The following ACSL1 variants were observed in gnomAD, a reference collection of about 807,000 sequenced individuals.
ACSL1 encodes long-chain-fatty-acid--CoA ligase 1.
Under a neutral mutation model 98.4 loss-of-function variants are expected in ACSL1, and 41 were observed. The observed-to-expected ratio is 0.42, with a 90% confidence interval of 0.32 to 0.54. The LOEUF (loss-of-function observed/expected upper bound fraction) is 0.54. Among genes scored for constraint, ACSL1 ranks in the 20% least tolerant of loss-of-function variants. ACSL1 has a pLI of 0.13. For synonymous variants in ACSL1, 316 were observed against 322.7 expected, an observed-to-expected ratio of 0.98 and a Z score of 0.22; for missense variants, 734 against 883.1, an observed-to-expected ratio of 0.83 and a Z score of 2.14.
Position 184,788,605 on chromosome 4 carries a change from G to A in ACSL1, c.310+12C>T. The A allele has an allele frequency of 6.2e-7, 1 of 1,608,084 alleles. No individual in the cohort carries two copies. Among genetic ancestry groups the A allele is most frequent in the Non-Finnish European group, 8.5e-7 (1 of 1,174,742 alleles). ...GCGAGCGGGAGCCACGCAAATGCAG[G>A]AAAATGCTTACTTGACACCTGTATT... On this transcript the variant is annotated intron_variant, in intron 3 of 20. Transcript: ENST00000281455.
chr4:184,820,751 C>T (rs1413449207), intron 1 of ACSL1, among the ~76,000 whole-genome samples: 1 of 152,148 alleles, frequency 6.6e-6, no homozygotes, highest in Non-Finnish European at 1.5e-5. Context: ...ACTACAGGCA[C>T]GTACCACCAC....
intron 1 of ACSL1, among the ~76,000 whole-genome samples, chr4:184,809,104 T>C (rs753801909): frequency 3.9e-5 from 6 of 152,386 alleles, no homozygotes; most frequent in South Asian, 2.1e-4. Flanking sequence ...AGATCACCAA[T>C]TGAATTTCCT....
intron 1 of ACSL1, chr4:184,813,471 G>A (rs1023871964): frequency 1.9e-5 from 3 of 157,154 alleles, no homozygotes; most frequent in Non-Finnish European, 2.8e-5. Context: ...GAGCAAGACA[G>A]AAAAGGCTTG....
At chr4:184,811,444 C>G (rs1385462190) in intron 1 of ACSL1, among the ~76,000 whole-genome samples, 1 of 151,930 alleles carries the variant, frequency 6.6e-6, no homozygotes, top group African/African-American at 2.4e-5. Context: ...GATTCAAACC[C>G]AGATTTCCAA....
intron 5 of ACSL1, among the ~76,000 whole-genome samples, chr4:184,777,441 G>A (rs1038276800): frequency 1.4e-5 from 2 of 143,448 alleles, no homozygotes; most frequent in African/African-American, 5.0e-5. Context: ...CTGGGTGACA[G>A]AGTGAGATCC....
rs754831832 is a variant in ACSL1 at position 184,766,009 on chromosome 4, G to A, written c.1264-23C>T. ...CGACTTTCAGGGAGGGAGAGTGGGA[G>A]AAGGTGAGGGTTACACACCTGGAAG... is the stretch of plus-strand genomic sequence containing the variant. On this transcript the variant is annotated intron_variant, in intron 13 of 20. Transcript: ENST00000281455. The surrounding 1 kb of genome is among the most constrained non-coding windows in gnomAD (Gnocchi z 4.8). 6.2e-7 allele frequency: 1 copy of A among 1,611,868 alleles called. No homozygotes were observed. The highest frequency in any genetic ancestry group is 8.5e-7 in the Non-Finnish European group (1 of 1,178,668).
intron 2 of ACSL1, among the ~76,000 whole-genome samples, chr4:184,797,948 T>C (rs1037840765): frequency 3.9e-5 from 6 of 152,234 alleles, no homozygotes; most frequent in African/African-American, 7.2e-5. Context: ...TTATGAAGCA[T>C]AGGATTAAAA....
In ACSL1 at chr4:184,808,394, T is replaced by C. The variant is rs1475436308; in HGVS notation, c.-32-4848A>G. ...CTCAAGCTTTCATCAAGATGAATAA[T>C]GGCAGTTTGATGGAATACTTCACTA... On this transcript the variant is annotated intron_variant, in intron 1 of 20. Coordinates refer to ENST00000281455, the MANE Select transcript of ACSL1 (RefSeq NM_001995.5). 9.1e-6 allele frequency: 9 copies of C among 985,354 alleles called. No homozygotes were observed. The South Asian group carries it at 1.4e-4, about 15-fold the overall frequency. The allele number at this position is 985,354 out of a possible 1,614,324, so 61.0% of individuals were successfully genotyped here. A position where few individuals can be genotyped will look rare whatever the true frequency, so the allele number is the denominator to read the frequency against.
intron 1 of ACSL1, among the ~76,000 whole-genome samples, chr4:184,818,184 C>T (rs1441517145): frequency 1.3e-5 from 2 of 152,174 alleles, no homozygotes; most frequent in African/African-American, 4.8e-5. Context: ...AGGTAACTGT[C>T]CTACAGAAGG....
At chr4:184,776,377 C>T in intron 7 of ACSL1, 107 bp downstream of exon 7, 1 of 1,236,192 alleles carries the variant, frequency 8.1e-7, no homozygotes, top group Non-Finnish European at 1.1e-6. Context: ...AGGCAACCGG[C>T]CAGCGCTGGG....
In ACSL1 at chr4:184,766,237, T is replaced by C. The variant is rs1312427822; in HGVS notation, c.1264-251A>G. ...CCTCTGCAGAAGCTATTTCAGGGAA[T>C]TAGAACACAACTGGGCAGATCTGTG... On this transcript the variant is annotated intron_variant, in intron 13 of 20. Transcript: ENST00000281455. This position sits in a 1 kb window ranked among gnomAD's most constrained non-coding sequence, Gnocchi z 4.8. Among the ~76,000 whole-genome samples, 1 of 152,218 alleles carries C rather than the reference T, an allele frequency of 6.6e-6. No homozygotes were observed.
At position 184,773,325 on chromosome 4, in the gene ACSL1, T is replaced by C. The variant is rs1290279370; in HGVS notation, c.842-171A>G. Among the ~76,000 whole-genome samples, 1 of 152,228 alleles carries C rather than the reference T, an allele frequency of 6.6e-6. No homozygotes were observed. Among genetic ancestry groups the C allele is most frequent in the African/African-American group, 2.4e-5 (1 of 41,462 alleles). Reference sequence around the variant, plus strand: ...CCTGCAATCCTTACACTGACTTATCTTTAAAAACCTTTATTAATATGGGCA... The same window carrying C: ...CCTGCAATCCTTACACTGACTTATCCTTAAAAACCTTTATTAATATGGGCA... On this transcript the variant is annotated intron_variant, in intron 9 of 20. Coordinates refer to ENST00000281455, the MANE Select transcript of ACSL1 (RefSeq NM_001995.5). This position sits in a 1 kb window ranked among gnomAD's most constrained non-coding sequence, Gnocchi z 4.3.
chr4:184,799,767 T>A (rs558085723), intron 2 of ACSL1, among the ~76,000 whole-genome samples: 1 of 152,244 alleles, frequency 6.6e-6, no homozygotes, highest in East Asian at 1.9e-4. Flanking sequence ...GAGAACAGCT[T>A]GAGCCCAGGA....
At chr4:184,764,782 C>T in intron 15 of ACSL1, 71 bp downstream of exon 15, 2 of 1,387,078 alleles carry the variant, frequency 1.4e-6, no homozygotes, top group South Asian at 1.3e-5. Context: ...CAGTGATTAA[C>T]CCAATTCCAG....
At chr4:184,817,280 T>G (rs1772713257) in intron 1 of ACSL1, among the ~76,000 whole-genome samples, 1 of 152,190 alleles carries the variant, frequency 6.6e-6, no homozygotes, top group Non-Finnish European at 1.5e-5. Context: ...TTCTCTAGAC[T>G]TCTGATGATG....
chr4:184,780,419 C>T lies in ACSL1; in HGVS notation c.390G>A (p.Ser130=), dbSNP rs114516038. The T allele has an allele frequency of 5.1e-5, 82 of 1,612,504 alleles. No individual in the cohort carries two copies. Among genetic ancestry groups the T allele is most frequent in the African/African-American group, 1.9e-4 (14 of 75,022 alleles). ...GGATCAGTGCTGAGCCTATGCACTC[C>T]GACAATTCTGCAACCTAAAATGGAG... ...WLSYKQVAEL[S]ECIGSALIQK... The change falls in exon 5 of 21, where the codon TCG becomes TCA. Residue 130 remains serine (S), a synonymous_variant. Transcript: ENST00000281455.
Position 184,756,927 on chromosome 4 carries a change from T to A in ACSL1, c.*198A>T. 1.8e-6 allele frequency: 1 copy of A among 564,436 alleles called. No individual in the cohort carries two copies. The highest frequency in any genetic ancestry group is 2.9e-6 in the Non-Finnish European group (1 of 339,660). The allele number at this position is 564,436 out of a possible 1,614,324, so 35.0% of individuals were successfully genotyped here. A position where few individuals can be genotyped will look rare whatever the true frequency, so the allele number is the denominator to read the frequency against. On this transcript the variant is annotated 3_prime_UTR_variant, in exon 21 of 21. Coordinates refer to ENST00000281455, the MANE Select transcript of ACSL1 (RefSeq NM_001995.5). ...TGGAAAGTGTGTATTACCATAAACA[T>A]GGTCTGCAACATGAGGTGACTGTAA...
intron 11 of ACSL1, among the ~76,000 whole-genome samples, chr4:184,769,634 G>A (rs541110312): frequency 6.6e-6 from 1 of 152,164 alleles, no homozygotes; most frequent in Non-Finnish European, 1.5e-5. Flanking sequence ...AATCGCCTTC[G>A]ATCCTTTGGG....
chr4:184,811,394 G>A (rs1408637024), intron 1 of ACSL1, among the ~76,000 whole-genome samples: 2 of 152,036 alleles, frequency 1.3e-5, no homozygotes, highest in South Asian at 2.1e-4. Flanking sequence ...TTACAGGTGT[G>A]AGCCACCGCG....
Sources: allele counts gnomAD v4.1 joint callset (sites outside exome capture counted in the v4.1 genomes callset), GRCh38; gene constraint gnomAD v4.1.1; non-coding constraint Gnocchi (gnomAD v3.1); transcripts MANE v1.5; gene names NCBI Gene and HGNC (gene_info 2026-07-23, HGNC 2026-07-21).